SAV1: variants seen among roughly 807,000 people sequenced by gnomAD.
SAV1 encodes the protein salvador family WW domain containing protein 1, also known as protein salvador homolog 1.
Under a neutral mutation model 47.3 loss-of-function variants are expected in SAV1, and 23 were observed. The ratio of observed to expected loss-of-function variants is 0.49; its 90% CI spans 0.35 to 0.69. SAV1 has a LOEUF of 0.69. Ranked by LOEUF, SAV1 falls within the 30% of genes least tolerant of loss-of-function variation. The pLI is 0.01. For missense variants in SAV1, 448 were observed against 457.4 expected (o/e 0.98, Z 0.19); for synonymous variants, 155 against 159.2 (o/e 0.97, Z 0.20).
Position 50,644,773 on chromosome 14 carries a change from CT to C in SAV1, c.776del (p.Lys259ArgfsTer58). Reference sequence around the variant, plus strand: ...GAGCACAGGGATGCCTGTATTGGGCCTTCTTATTTGTGTGATCTACATAATA... The same window carrying C: ...GAGCACAGGGATGCCTGTATTGGGCCTCTTATTTGTGTGATCTACATAATA... Reference protein sequence around the residue: ...GTYYVDHTNKKAQYRHPCAPS... With the variant: ...GTYYVDHTNKXAQYRHPCAPS... On this transcript the variant is annotated frameshift_variant, in exon 3 of 5. Coordinates refer to ENST00000324679, the MANE Select transcript of SAV1 (RefSeq NM_021818.4). LOFTEE classifies it high-confidence loss of function. 3 of 1,614,064 alleles carry C rather than the reference CT, an allele frequency of 1.9e-6. No homozygotes were observed. The highest frequency in any genetic ancestry group is 2.5e-6 in the Non-Finnish European group (3 of 1,179,962).
chr14:50,653,344 G>C (rs143557536), intron 2 of SAV1, among the ~76,000 whole-genome samples: 1 of 152,262 alleles, frequency 6.6e-6, no homozygotes, highest in East Asian at 1.9e-4. Context: ...CAAAGGAAAA[G>C]ATCTAGCATT....
At chr14:50,654,912 C>A (rs2039799815) in intron 2 of SAV1, among the ~76,000 whole-genome samples, 1 of 152,180 alleles carries the variant, frequency 6.6e-6, no homozygotes, top group Non-Finnish European at 1.5e-5. Context: ...ATGCAGTATT[C>A]TGGCAAAAAG....
intron 3 of SAV1, among the ~76,000 whole-genome samples, chr14:50,644,513 A>G (rs1032991227): frequency 1.3e-5 from 2 of 152,054 alleles, no homozygotes; most frequent in Non-Finnish European, 2.9e-5. Flanking sequence ...GAATCTGATC[A>G]TAAGAACAAT....
intron 4 of SAV1, among the ~76,000 whole-genome samples, chr14:50,639,891 CA>C (rs1345998280): frequency 6.6e-6 from 1 of 152,128 alleles, no homozygotes; most frequent in Non-Finnish European, 1.5e-5. Flanking sequence ...AATCAGCATA[CA>C]AACATACAGC....
intron 2 of SAV1, among the ~76,000 whole-genome samples, chr14:50,647,359 C>T (rs564721254): frequency 1.7e-4 from 26 of 152,182 alleles, no homozygotes; most frequent in Admixed American, 7.9e-4. Flanking sequence ...AGAACTCTGA[C>T]CTAGAATATA....
intron 2 of SAV1, among the ~76,000 whole-genome samples, chr14:50,662,281 G>A (rs2039866658): frequency 6.6e-6 from 1 of 152,148 alleles, no homozygotes; most frequent in Non-Finnish European, 1.5e-5. Flanking sequence ...CCATTCTCCT[G>A]CCTCAGCCTC....
intron 2 of SAV1, among the ~76,000 whole-genome samples, chr14:50,659,529 G>A (rs976291555): frequency 6.6e-6 from 1 of 152,226 alleles, no homozygotes; most frequent in Non-Finnish European, 1.5e-5. Context: ...CTGCCCATAA[G>A]ATTAACAAAC....
chr14:50,657,571 T>C (rs1007859542), intron 2 of SAV1, among the ~76,000 whole-genome samples: 1 of 152,192 alleles, frequency 6.6e-6, no homozygotes, highest in African/African-American at 2.4e-5. Flanking sequence ...AAGAAAAATA[T>C]GACTACCACT....
Position 50,633,873 on chromosome 14 carries a change from A to G in SAV1, c.*1310T>C, listed in dbSNP as rs1057129816. The G allele has an allele frequency of 2.4e-5, 4 of 163,766 alleles. No individual in the cohort carries two copies. The highest frequency in any genetic ancestry group is 4.0e-5 in the Non-Finnish European group (3 of 74,090). 10.1% of individuals were successfully genotyped at this position (163,766 alleles called of 1,614,324 possible). On this transcript the variant is annotated 3_prime_UTR_variant, in exon 5 of 5. Transcript: ENST00000324679. ...TTCTAGAGATTTATAGTTATAGTTT[A>G]GAAGTATCACCAATTTGTTTGCAAT...
At chr14:50,663,372 A>G (rs1203487005) in intron 2 of SAV1, among the ~76,000 whole-genome samples, 2 of 152,218 alleles carry the variant, frequency 1.3e-5, no homozygotes, top group Non-Finnish European at 2.9e-5. Context: ...AAAACTTACT[A>G]TTTTAGTTAG....
intron 3 of SAV1, among the ~76,000 whole-genome samples, chr14:50,643,833 T>C (rs114656730): frequency 1.3e-3 from 203 of 152,338 alleles, no homozygotes; most frequent in African/African-American, 4.4e-3. Flanking sequence ...AAAGCTTAGT[T>C]TTCCAGTTGA....
At chr14:50,636,436 C>G (rs1359276913) in intron 4 of SAV1, among the ~76,000 whole-genome samples, 1 of 151,990 alleles carries the variant, frequency 6.6e-6, no homozygotes, top group Admixed American at 6.6e-5. Context: ...AACAGGAAAA[C>G]TAAAGAAGGA....
chr14:50,665,906 AAT>A (rs1412434392), intron 1 of SAV1, among the ~76,000 whole-genome samples: 1 of 152,234 alleles, frequency 6.6e-6, no homozygotes, highest in African/African-American at 2.4e-5. Context: ...ATAAAATATC[AAT>A]AATCTTATCT....
intron 2 of SAV1, among the ~76,000 whole-genome samples, chr14:50,648,131 C>T (rs1218948294): frequency 1.3e-5 from 2 of 152,204 alleles, no homozygotes; most frequent in Non-Finnish European, 2.9e-5. Context: ...ATTATTGGTA[C>T]ATGCAAGAAT....
chr14:50,655,161 G>C (rs1424901345), intron 2 of SAV1, among the ~76,000 whole-genome samples: 1 of 152,132 alleles, frequency 6.6e-6, no homozygotes, highest in Non-Finnish European at 1.5e-5. Flanking sequence ...GCCAATGTAT[G>C]AAACACATGT....
chr14:50,665,828 A>G (rs1242562953), intron 1 of SAV1, among the ~76,000 whole-genome samples: 1 of 152,234 alleles, frequency 6.6e-6, no homozygotes, highest in African/African-American at 2.4e-5. Context: ...TATAACTTGC[A>G]TTAATGGACT....
intron 2 of SAV1, among the ~76,000 whole-genome samples, chr14:50,649,164 CTCT>C (rs2140254704): frequency 6.6e-6 from 1 of 152,336 alleles, no homozygotes; most frequent in African/African-American, 2.4e-5. Context: ...CACTCTCACC[CTCT>C]TCAAGCCTCT....
In SAV1 at chr14:50,644,728, A is replaced by G. The variant is rs2039706328; in HGVS notation, c.806+16T>C. ...AATCCCGAAACAAAAAGTTGAAAATAAAGTTGATACTGTACCTAGGAGCAC... is the reference window on the plus strand; with the variant it reads ...AATCCCGAAACAAAAAGTTGAAAATGAAGTTGATACTGTACCTAGGAGCAC... On this transcript the variant is annotated intron_variant, in intron 3 of 4. Transcript: ENST00000324679. The G allele has an allele frequency of 3.1e-6, 5 of 1,589,432 alleles. No homozygotes were observed. The East Asian group carries it at 1.1e-4, about 36-fold the overall frequency.
chr14:50,640,777 A>G lies in SAV1; in HGVS notation c.923T>C (p.Leu308Pro), dbSNP rs2039674830. Residue 308 changes from leucine (L) to proline (P), a missense_variant, in exon 4 of 5, where the codon CTT (leucine) becomes CCT (proline). By Grantham distance (98) the Leu-to-Pro change is moderately conservative. Coordinates refer to ENST00000324679, the MANE Select transcript of SAV1 (RefSeq NM_021818.4). ...PYHTAEIPDW[L>P]QVYARAPVKY... ...CACAGGGGCTCGTGCGTAAACCTGA[A>G]GCCAGTCAGGAATTTCTGCAGTATG... 6.2e-7 allele frequency: 1 copy of G among 1,613,638 alleles called. No individual in the cohort carries two copies. Among genetic ancestry groups the G allele is most frequent in the Non-Finnish European group, 8.5e-7 (1 of 1,179,794 alleles).
Sources: allele counts gnomAD v4.1 joint callset (sites outside exome capture counted in the v4.1 genomes callset), GRCh38; gene constraint gnomAD v4.1.1; transcripts MANE v1.5; gene names NCBI Gene and HGNC (gene_info 2026-07-23, HGNC 2026-07-21).